Variants in BCR observed in about 807,000 individuals in gnomAD.
The protein encoded by BCR is breakpoint cluster region protein.
A neutral mutation model predicts 138.6 loss-of-function variants in BCR; 58 were observed. That is an observed-to-expected ratio of 0.42 (90% CI 0.34 to 0.52). The LOEUF is 0.52. Ranked by LOEUF, BCR falls within the 20% of genes least tolerant of loss-of-function variation. The pLI, the probability that BCR is intolerant of heterozygous loss-of-function variation, is 0.06. For missense variants in BCR, 1,599 were observed against 1,727.2 expected, an observed-to-expected ratio of 0.93 and a Z score of 1.32; for synonymous variants, 786 against 730.1, an observed-to-expected ratio of 1.08 and a Z score of -1.23.
intron 1 of BCR, among the ~76,000 whole-genome samples, chr22:23,220,619 C>T (rs1369290679): frequency 1.3e-5 from 2 of 152,202 alleles, no homozygotes; most frequent in African/African-American, 4.8e-5. Context: ...GCTCAGCTCA[C>T]TTCCTCTTAC....
chr22:23,269,054 G>A (rs2073478364), intron 5 of BCR, among the ~76,000 whole-genome samples: 1 of 152,254 alleles, frequency 6.6e-6, no homozygotes, highest in Admixed American at 6.5e-5. Flanking sequence ...CTGAGAGGCT[G>A]CTGACTCCCT....
At chr22:23,304,527 T>TG (rs2073937378) in intron 16 of BCR, among the ~76,000 whole-genome samples, 1 of 152,228 alleles carries the variant, frequency 6.6e-6, no homozygotes, top group South Asian at 2.1e-4. Context: ...TTAAGGTTGA[T>TG]GCAGCCACGA....
At position 23,224,664 on chromosome 22, in the gene BCR, T is replaced by C. The variant is rs147865953; in HGVS notation, c.1280-29135T>C. 9.4e-3 allele frequency among the ~76,000 whole-genome samples: 1,431 copies of C among 152,234 alleles called. 18 individuals are homozygous for C. The highest frequency in any genetic ancestry group is 0.033 in the African/African-American group (1,350 of 41,534). On this transcript the variant is annotated intron_variant, in intron 1 of 22. Coordinates refer to ENST00000305877, the MANE Select transcript of BCR (RefSeq NM_004327.4). ...TGGGAGGCCAAGGTGGGCGGATCACTTGAGGTCAGGAGTTCCAGACCAGCC... is the reference window on the plus strand; with the variant it reads ...TGGGAGGCCAAGGTGGGCGGATCACCTGAGGTCAGGAGTTCCAGACCAGCC...
intron 8 of BCR, chr22:23,283,492 AG>A (rs1286797554): frequency 6.3e-6 from 1 of 158,748 alleles, no homozygotes; most frequent in African/African-American, 2.4e-5. Context: ...TCCCCACCAC[AG>A]GGGCCTGTGC....
chr22:23,314,910 G>A (rs2074051531), intron 22 of BCR, among the ~76,000 whole-genome samples, 196 bp downstream of exon 22: 1 of 152,260 alleles, frequency 6.6e-6, no homozygotes, highest in Non-Finnish European at 1.5e-5. Flanking sequence ...TCCTGCTAGT[G>A]CACTTTGCTG....
At chr22:23,222,517 G>C (rs1254780184) in intron 1 of BCR, among the ~76,000 whole-genome samples, 1 of 152,200 alleles carries the variant, frequency 6.6e-6, no homozygotes, top group Non-Finnish European at 1.5e-5. Flanking sequence ...TGGTTCCCGA[G>C]GAAGGAGGCA....
At chr22:23,251,402 G>A (rs999224703) in intron 1 of BCR, among the ~76,000 whole-genome samples, 4 of 152,206 alleles carry the variant, frequency 2.6e-5, no homozygotes, top group Non-Finnish European at 5.9e-5. Flanking sequence ...TGTTGCCGAC[G>A]TGCAGCCAGG....
intron 1 of BCR, among the ~76,000 whole-genome samples, chr22:23,186,672 C>T (rs142849039): frequency 6.6e-6 from 1 of 152,274 alleles, no homozygotes; most frequent in African/African-American, 2.4e-5. Context: ...GCTTATTTCA[C>T]TGAGTGTAAT....
chr22:23,237,805 G>A (rs2073043629), intron 1 of BCR, among the ~76,000 whole-genome samples: 1 of 152,232 alleles, frequency 6.6e-6, no homozygotes, highest in Non-Finnish European at 1.5e-5. Context: ...GACCTGCAGT[G>A]GCCTGAGCAG....
At chr22:23,225,382 C>CCTGT (rs3054228) in intron 1 of BCR, among the ~76,000 whole-genome samples, 2 of 151,866 alleles carry the variant, frequency 1.3e-5, no homozygotes, top group Admixed American at 6.6e-5. Context: ...TTAGACCCTG[C>CCTGT]GGCAGGCTGG....
intron 1 of BCR, among the ~76,000 whole-genome samples, chr22:23,186,532 A>C (rs1342735283): frequency 6.6e-6 from 1 of 152,150 alleles, no homozygotes; most frequent in Admixed American, 6.5e-5. Context: ...CTCTGTACCC[A>C]GTGAATAATA....
At chr22:23,228,283 AT>A (rs2072916194) in intron 1 of BCR, among the ~76,000 whole-genome samples, 2 of 152,118 alleles carry the variant, frequency 1.3e-5, no homozygotes, top group African/African-American at 2.4e-5. Flanking sequence ...TATATATTGC[AT>A]TTTTATTTTC....
intron 1 of BCR, among the ~76,000 whole-genome samples, chr22:23,215,493 G>C (rs533311651): frequency 6.6e-6 from 1 of 152,358 alleles, no homozygotes; most frequent in African/African-American, 2.4e-5. Context: ...AGGGTTTCTG[G>C]CTGCAAGCCC....
At chr22:23,212,044 C>T (rs1479907091) in intron 1 of BCR, among the ~76,000 whole-genome samples, 1 of 152,224 alleles carries the variant, frequency 6.6e-6, no homozygotes, top group Non-Finnish European at 1.5e-5. Flanking sequence ...CCATAAGGGT[C>T]TGAAGTGGCA....
chr22:23,191,546 C>T (rs1336426437), intron 1 of BCR, among the ~76,000 whole-genome samples: 1 of 152,204 alleles, frequency 6.6e-6, no homozygotes, highest in African/African-American at 2.4e-5. Flanking sequence ...TCCTGTTAAT[C>T]CTTTGTCTAT....
intron 1 of BCR, among the ~76,000 whole-genome samples, chr22:23,204,060 G>A (rs1283444142): frequency 6.6e-6 from 1 of 152,176 alleles, no homozygotes; most frequent in African/African-American, 2.4e-5. Context: ...ACGTTTGGAG[G>A]GAGGGCAGCA....
intron 1 of BCR, among the ~76,000 whole-genome samples, chr22:23,197,774 G>C (rs1034025526): frequency 1.3e-5 from 2 of 152,104 alleles, no homozygotes; most frequent in African/African-American, 4.8e-5. Context: ...TGTGTGTGAT[G>C]GTCCAGTGGG....
intron 1 of BCR, among the ~76,000 whole-genome samples, chr22:23,189,626 A>C (rs2072389654): frequency 6.6e-6 from 1 of 151,788 alleles, no homozygotes; most frequent in Non-Finnish European, 1.5e-5. Flanking sequence ...TCAGCCACCC[A>C]AGTAGCTGGG....
chr22:23,263,359 ACTCCGG>A (rs1438572813), intron 4 of BCR: 4 of 1,214,930 alleles, frequency 3.3e-6, no homozygotes, highest in Non-Finnish European at 3.6e-6. Flanking sequence ...GCCTCGCTCA[ACTCCGG>A]CTTCACGCGG....
Sources: gnomAD v4.1 joint callset for allele counts (sites outside exome capture counted in the v4.1 genomes callset) on GRCh38, gnomAD v4.1.1 for gene constraint, MANE v1.5 for transcripts, NCBI Gene and HGNC (gene_info 2026-07-23, HGNC 2026-07-21) for gene names.